The following GYG1 variants were observed in gnomAD, a reference collection of about 807,000 sequenced individuals.
The protein encoded by GYG1 is glycogenin 1.
Under a neutral mutation model 41.9 loss-of-function variants are expected in GYG1, and 44 were observed. That is an observed-to-expected ratio of 1.05 (90% CI 0.83 to 1.35). GYG1 has a LOEUF of 1.35. GYG1 is among the 40% of genes most tolerant of loss of function. The probability of loss-of-function intolerance (pLI) is 0.00; values close to 1 mark genes in which losing one functional copy is unlikely to be tolerated. For missense variants in GYG1, 429 were observed against 418.9 expected (o/e 1.02, Z -0.21); for synonymous variants, 141 against 158.1 (o/e 0.89, Z 0.81).
chr3:149,006,913 C>T (rs1713436661), intron 4 of GYG1, among the ~76,000 whole-genome samples: 2 of 152,154 alleles, frequency 1.3e-5, no homozygotes, highest in Admixed American at 1.3e-4. Flanking sequence ...ATTAATTTGC[C>T]TATTAGCTAA....
At chr3:149,000,862 T>C (rs1286112845) in intron 4 of GYG1, 2 of 152,204 alleles carry the variant, frequency 1.3e-5, no homozygotes, top group Non-Finnish European at 2.9e-5. Flanking sequence ...ATATTAGGTA[T>C]GATTTATTTA....
chr3:149,022,319 T>A (rs1714413272), intron 5 of GYG1, among the ~76,000 whole-genome samples: 1 of 152,128 alleles, frequency 6.6e-6, no homozygotes, highest in Non-Finnish European at 1.5e-5. Context: ...TATTTTAAAA[T>A]GTGCATTGTT....
intron 2 of GYG1, among the ~76,000 whole-genome samples, chr3:148,994,916 C>T (rs2107885385): frequency 6.6e-6 from 1 of 152,332 alleles, no homozygotes; most frequent in African/African-American, 2.4e-5. Context: ...TGTGATGGCT[C>T]ATGCCTGTAA....
In GYG1 at chr3:148,994,187, G is replaced by T. The variant is rs970066155; in HGVS notation, c.53G>T (p.Gly18Val). Residue 18 changes from glycine to valine, a missense_variant, in exon 2 of 8, where the codon GGT (glycine) becomes GTT (valine). Physicochemically the swap from Gly to Val is moderately radical, Grantham distance 109. Transcript: ENST00000345003. ...ACCACAAACGATGCCTACGCCAAAG[G>T]TGCCCTGGTCCTGGGATCATCTCTG... is the stretch of plus-strand genomic sequence containing the variant. ...TLTTNDAYAK[G>V]ALVLGSSLKQ... 2 of 1,613,746 alleles carry T rather than the reference G, an allele frequency of 1.2e-6. No individual in the cohort carries two copies. Among genetic ancestry groups the T allele is most frequent in the African/African-American group, 2.7e-5 (2 of 74,870 alleles).
intron 5 of GYG1, among the ~76,000 whole-genome samples, chr3:149,013,874 A>G (rs963368239): frequency 6.6e-6 from 1 of 152,096 alleles, no homozygotes; most frequent in Non-Finnish European, 1.5e-5. Context: ...ACACTCATAC[A>G]TATTCACTCA....
At position 149,026,834 on chromosome 3, in the gene GYG1, G is replaced by A. The variant is rs770605891; in HGVS notation, c.954G>A (p.Ser318=). 13 of 1,613,768 alleles carry A rather than the reference G, an allele frequency of 8.1e-6. No individual in the cohort carries two copies. Among genetic ancestry groups the A allele is most frequent in the African/African-American group, 6.7e-5 (5 of 74,898 alleles). ...IPAMAQPFVS[S]EERKERWEQG... ...CTATGGCACAGCCGTTTGTATCCTC[G>A]GAAGAACGGAAGGAACGATGGGAAC... Residue 318 remains serine, a synonymous_variant, in exon 8 of 8, where the codon TCG becomes TCA. Coordinates refer to ENST00000345003, the MANE Select transcript of GYG1 (RefSeq NM_004130.4).
chr3:149,016,592 T>C (rs1329649155), intron 5 of GYG1, among the ~76,000 whole-genome samples: 3 of 152,098 alleles, frequency 2.0e-5, no homozygotes, highest in African/African-American at 7.2e-5. Context: ...TCCAGGGTAT[T>C]ATTGGGAGGA....
At chr3:149,017,952 A>G (rs952074467) in intron 5 of GYG1, among the ~76,000 whole-genome samples, 70 of 152,082 alleles carry the variant, frequency 4.6e-4, no homozygotes, top group African/African-American at 1.6e-3. Flanking sequence ...ATTCTGACTA[A>G]TAACTGCTGG....
At chr3:149,015,024 C>G (rs974212683) in intron 5 of GYG1, among the ~76,000 whole-genome samples, 7 of 152,034 alleles carry the variant, frequency 4.6e-5, no homozygotes, top group African/African-American at 1.7e-4. Context: ...ACATAAAACC[C>G]AGGTTTCCAA....
At position 149,029,067 on chromosome 3, in the gene GYG1, CAGAA is replaced by C. The variant is rs1350646271; in HGVS notation, c.*2139_*2142del. Among the ~76,000 whole-genome samples, 5 of 152,132 alleles carry C rather than the reference CAGAA, an allele frequency of 3.3e-5. No individual in the cohort carries two copies. The highest frequency in any genetic ancestry group is 1.2e-4 in the African/African-American group (5 of 41,408). On this transcript the variant is annotated 3_prime_UTR_variant, in exon 8 of 8. Transcript: ENST00000345003. ...GAAGGCTATTATTAACTTTTGGAAT[CAGAA>C]AGAATGACAAGCTTACCATAAGACA...
chr3:149,026,969 C>G lies in GYG1; in HGVS notation c.*36C>G. On this transcript the variant is annotated 3_prime_UTR_variant, in exon 8 of 8. Coordinates refer to ENST00000345003, the MANE Select transcript of GYG1 (RefSeq NM_004130.4). The stretch of plus-strand genomic sequence containing the variant: ...TTTTTCTGTGAACACATCCACTTCA[C>G]AAGCCTTGTTTCTGATACTTAGTAT... 1 of 1,606,246 alleles carries G rather than the reference C, an allele frequency of 6.2e-7. No homozygotes were observed. The highest frequency in any genetic ancestry group is 8.5e-7 in the Non-Finnish European group (1 of 1,172,796).
chr3:148,994,184 A>G lies in GYG1; in HGVS notation c.50A>G (p.Lys17Arg), dbSNP rs766504664. ...CTAACCACAAACGATGCCTACGCCA[A>G]AGGTGCCCTGGTCCTGGGATCATCT... is the stretch of plus-strand genomic sequence containing the variant. ...VTLTTNDAYA[K>R]GALVLGSSLK... The change falls in exon 2 of 8, where the codon AAA (lysine) becomes AGA (arginine). Residue 17 changes from lysine to arginine, a missense_variant. Transcript: ENST00000345003. The G allele has an allele frequency of 1.2e-6, 2 of 1,613,840 alleles. No individual in the cohort carries two copies. Among genetic ancestry groups the G allele is most frequent in the African/African-American group, 2.7e-5 (2 of 74,880 alleles).
intron 2 of GYG1, among the ~76,000 whole-genome samples, chr3:148,994,535 TC>T (rs947275875): frequency 1.3e-5 from 2 of 151,804 alleles, no homozygotes; most frequent in Non-Finnish European, 2.9e-5. Context: ...AAAGAAGGAG[TC>T]GTCTTCCTTC....
intron 5 of GYG1, among the ~76,000 whole-genome samples, chr3:149,013,210 A>G (rs895463638): frequency 6.6e-6 from 1 of 152,174 alleles, no homozygotes; most frequent in African/African-American, 2.4e-5. Flanking sequence ...TTTGGGATAT[A>G]TAGTTAGGTT....
chr3:149,008,784 A>G (rs1261858306), intron 4 of GYG1: 1 of 181,548 alleles, frequency 5.5e-6, no homozygotes, highest in African/African-American at 2.4e-5. Context: ...TGCTCAATAG[A>G]TATTTGTCGA....
At chr3:149,004,993 G>A (rs967563491) in intron 4 of GYG1, among the ~76,000 whole-genome samples, 1 of 152,150 alleles carries the variant, frequency 6.6e-6, no homozygotes, top group Non-Finnish European at 1.5e-5. Flanking sequence ...GTCGGATTTG[G>A]AAGTTCTACT....
intron 5 of GYG1, among the ~76,000 whole-genome samples, chr3:149,018,203 AAAT>A (rs1172929382): frequency 6.6e-6 from 1 of 152,200 alleles, no homozygotes; most frequent in African/African-American, 2.4e-5. Context: ...TGAGACATAA[AAAT>A]AATTACTTGA....
At chr3:149,005,522 A>C (rs1488350652) in intron 4 of GYG1, among the ~76,000 whole-genome samples, 1 of 152,246 alleles carries the variant, frequency 6.6e-6, no homozygotes, top group East Asian at 1.9e-4. Flanking sequence ...AGTAGTTAGT[A>C]TTAATATACT....
At chr3:149,006,037 C>G (rs1275788941) in intron 4 of GYG1, among the ~76,000 whole-genome samples, 1 of 149,198 alleles carries the variant, frequency 6.7e-6, no homozygotes, top group Non-Finnish European at 1.5e-5. Flanking sequence ...CCACCATAGT[C>G]AAGATGCAGA....
Sources: gnomAD v4.1 joint callset for allele counts (sites outside exome capture counted in the v4.1 genomes callset) on GRCh38, gnomAD v4.1.1 for gene constraint, MANE v1.5 for transcripts, NCBI Gene and HGNC (gene_info 2026-07-23, HGNC 2026-07-21) for gene names.